ZFPM2: variants seen among roughly 807,000 people sequenced by gnomAD.
The protein encoded by ZFPM2 is zinc finger protein ZFPM2.
Under a neutral mutation model 98.6 loss-of-function variants are expected in ZFPM2, and 20 were observed. The ratio of observed to expected loss-of-function variants is 0.20; its 90% CI spans 0.14 to 0.29. ZFPM2 has a LOEUF of 0.29. Ranked by LOEUF, ZFPM2 falls within the 10% of genes least tolerant of loss-of-function variation. The probability of loss-of-function intolerance (pLI) is 1.00; values close to 1 mark genes in which losing one functional copy is unlikely to be tolerated. For synonymous variants in ZFPM2, 518 were observed against 502.7 expected, an observed-to-expected ratio of 1.03 and a Z score of -0.41; for missense variants, 1,310 against 1,388.6, an observed-to-expected ratio of 0.94 and a Z score of 0.90.
At chr8:105,564,935 A>G (rs1447020970) in intron 4 of ZFPM2, among the ~76,000 whole-genome samples, 1 of 152,114 alleles carries the variant, frequency 6.6e-6, no homozygotes, top group Non-Finnish European at 1.5e-5. Context: ...GAAATCATAA[A>G]TATTCCTTAT....
At chr8:105,436,115 G>C (rs143481158) in intron 2 of ZFPM2, among the ~76,000 whole-genome samples, 1 of 152,296 alleles carries the variant, frequency 6.6e-6, no homozygotes, top group East Asian at 1.9e-4. Flanking sequence ...GTAAGCAATG[G>C]TAATTGATTA....
intron 3 of ZFPM2, among the ~76,000 whole-genome samples, chr8:105,488,713 G>A (rs7812797): frequency 0.15 from 23,225 of 152,028 alleles, 2,038 homozygotes; most frequent in African/African-American, 0.25. Flanking sequence ...GTGGTGAGCC[G>A]AGATCGCACC....
At chr8:105,604,051 C>T (rs997487701) in intron 4 of ZFPM2, among the ~76,000 whole-genome samples, 13 of 151,968 alleles carry the variant, frequency 8.6e-5, no homozygotes, top group Admixed American at 7.2e-4. Flanking sequence ...ATCTGAGATC[C>T]AGACTCATAT....
intron 4 of ZFPM2, among the ~76,000 whole-genome samples, chr8:105,619,591 T>C (rs1162800396): frequency 6.6e-6 from 1 of 152,154 alleles, no homozygotes; most frequent in African/African-American, 2.4e-5. Flanking sequence ...TGTGCAGGTT[T>C]GTTACATAGG....
intron 5 of ZFPM2, among the ~76,000 whole-genome samples, chr8:105,642,938 G>T (rs776657602): frequency 1.3e-5 from 2 of 152,184 alleles, no homozygotes; most frequent in African/African-American, 2.4e-5. Context: ...GTTCATGAGT[G>T]TATCTGTTCA....
intron 1 of ZFPM2, among the ~76,000 whole-genome samples, chr8:105,322,105 C>T (rs897790776): frequency 4.6e-5 from 7 of 151,984 alleles, no homozygotes; most frequent in African/African-American, 9.7e-5. Context: ...CCTGATAGGA[C>T]GGGAGGTGTT....
At chr8:105,493,955 C>A (rs1813407326) in intron 3 of ZFPM2, among the ~76,000 whole-genome samples, 1 of 151,822 alleles carries the variant, frequency 6.6e-6, no homozygotes, top group Admixed American at 6.6e-5. Flanking sequence ...ACCTCCAAAA[C>A]AACCAAAGCA....
chr8:105,425,468 T>A (rs1811889457), intron 2 of ZFPM2, among the ~76,000 whole-genome samples: 1 of 152,072 alleles, frequency 6.6e-6, no homozygotes, highest in Non-Finnish European at 1.5e-5. Flanking sequence ...ATGATATGAG[T>A]CACTTTGTTC....
At chr8:105,759,673 C>G (rs1003031211) in intron 5 of ZFPM2, among the ~76,000 whole-genome samples, 1 of 150,368 alleles carries the variant, frequency 6.7e-6, no homozygotes, top group African/African-American at 2.5e-5. Flanking sequence ...AGGAACTTGA[C>G]TTTATTATTA....
intron 5 of ZFPM2, among the ~76,000 whole-genome samples, chr8:105,713,526 G>T (rs1811451778): frequency 6.6e-6 from 1 of 151,854 alleles, no homozygotes; most frequent in Admixed American, 6.6e-5. Flanking sequence ...GTTTAATTAG[G>T]TCTCACTTGT....
intron 5 of ZFPM2, among the ~76,000 whole-genome samples, chr8:105,776,134 A>G (rs1307432265): frequency 6.6e-6 from 1 of 152,092 alleles, no homozygotes; most frequent in African/African-American, 2.4e-5. Flanking sequence ...CCACGAAGCA[A>G]AACTCTAGCG....
chr8:105,421,004 T>C (rs1811782061), intron 2 of ZFPM2, among the ~76,000 whole-genome samples: 1 of 152,120 alleles, frequency 6.6e-6, no homozygotes, highest in African/African-American at 2.4e-5. Context: ...TCTTTACTCT[T>C]ACTCTTTCAT....
In ZFPM2 at chr8:105,719,589, G is replaced by A. The variant is rs553235092; in HGVS notation, c.533-69129G>A. Among the ~76,000 whole-genome samples the A allele has an allele frequency of 2.4e-4, 37 of 151,924 alleles. No homozygotes were observed. The South Asian group carries it at 6.0e-3, about 25-fold the overall frequency. On this transcript the variant is annotated intron_variant, in intron 5 of 7. Transcript: ENST00000407775. ...GTTTTCTGTTATGTAAAATGGGGGC[G>A]ATAATATTAGAACCTTAATCATAAC...
At chr8:105,541,543 A>G (rs1396119883) in intron 3 of ZFPM2, among the ~76,000 whole-genome samples, 2 of 152,214 alleles carry the variant, frequency 1.3e-5, no homozygotes, top group Non-Finnish European at 2.9e-5. Flanking sequence ...ATGCATTTAC[A>G]TCTTGCTTAA....
intron 2 of ZFPM2, among the ~76,000 whole-genome samples, chr8:105,422,328 T>A (rs1811811964): frequency 6.6e-6 from 1 of 151,918 alleles, no homozygotes; most frequent in Non-Finnish European, 1.5e-5. Flanking sequence ...TCCCAGCTAC[T>A]CGGGAGGCTG....
intron 3 of ZFPM2, among the ~76,000 whole-genome samples, chr8:105,467,727 A>T (rs1812820138): frequency 6.6e-6 from 1 of 152,078 alleles, no homozygotes; most frequent in Non-Finnish European, 1.5e-5. Flanking sequence ...AAGTGATTAG[A>T]TACACATACA....
rs546671025 is a variant in ZFPM2 at position 105,795,356 on chromosome 8, C to A, written c.740-3368C>A. On this transcript the variant is annotated intron_variant, in intron 6 of 7. Coordinates refer to ENST00000407775, the MANE Select transcript of ZFPM2 (RefSeq NM_012082.4). ...TCAAGTCAGATTCCTGAATGTCACACACACACACACACACACAAAGCTGAT... is the reference window on the plus strand; with the variant it reads ...TCAAGTCAGATTCCTGAATGTCACAAACACACACACACACACAAAGCTGAT... Among the ~76,000 whole-genome samples the A allele has an allele frequency of 5.9e-3, 653 of 110,842 alleles. 3 individuals are homozygous for A. The highest frequency in any genetic ancestry group is 0.038 in the African/African-American group (633 of 16,708). The allele number at this position is 110,842 out of a possible 152,430, so 72.7% of individuals were successfully genotyped here. A position where few individuals can be genotyped will look rare whatever the true frequency, so the allele number is the denominator to read the frequency against.
chr8:105,558,965 T>C (rs907110189), intron 3 of ZFPM2, among the ~76,000 whole-genome samples: 3 of 152,174 alleles, frequency 2.0e-5, no homozygotes, highest in African/African-American at 7.2e-5. Context: ...AATTAAACAG[T>C]TTATTTTCAA....
At chr8:105,338,583 A>G (rs973782982) in intron 1 of ZFPM2, among the ~76,000 whole-genome samples, 6 of 151,932 alleles carry the variant, frequency 3.9e-5, no homozygotes, top group African/African-American at 1.4e-4. Flanking sequence ...TAAAGCCATT[A>G]GTGAACAAAT....
Sources: allele counts gnomAD v4.1 joint callset (sites outside exome capture counted in the v4.1 genomes callset), GRCh38; gene constraint gnomAD v4.1.1; transcripts MANE v1.5; gene names NCBI Gene and HGNC (gene_info 2026-07-23, HGNC 2026-07-21).